The following SLC16A12 variants were observed in gnomAD, a reference collection of about 807,000 sequenced individuals.
The protein encoded by SLC16A12 is monocarboxylate transporter 12.
SLC16A12 carries 17 observed loss-of-function variants against 42.4 expected under a neutral mutation model. The ratio of observed to expected loss-of-function variants is 0.40; its 90% CI spans 0.27 to 0.60. The LOEUF is 0.60. Ranked by LOEUF, SLC16A12 falls within the 20% of genes least tolerant of loss-of-function variation. The pLI, the probability that SLC16A12 is intolerant of heterozygous loss-of-function variation, is 0.42. For missense variants in SLC16A12, 544 were observed against 623.0 expected, an observed-to-expected ratio of 0.87 and a Z score of 1.35; for synonymous variants, 224 against 229.4, an observed-to-expected ratio of 0.98 and a Z score of 0.21.
chr10:89,439,204 AT>A, intron 5 of SLC16A12, 21 bp from the exon 6 acceptor site: 2 of 1,607,346 alleles, frequency 1.2e-6, no homozygotes, highest in Non-Finnish European at 1.7e-6. Flanking sequence ...AGAGAACTCT[AT>A]GAGTGCTGAA....
intron 2 of SLC16A12, among the ~76,000 whole-genome samples, chr10:89,499,390 AC>A (rs930757530): frequency 5.3e-5 from 8 of 152,180 alleles, no homozygotes; most frequent in Non-Finnish European, 1.2e-4. Context: ...GCTCGTCTCT[AC>A]TAAAAATACA....
At chr10:89,486,639 GAAAGAAAGAAA>G (rs1842753155) in intron 2 of SLC16A12, among the ~76,000 whole-genome samples, 2 of 48,330 alleles carry the variant, frequency 4.1e-5, no homozygotes, top group Non-Finnish European at 8.7e-5. Flanking sequence ...AAGAAAGAAA[GAAAGAAAGAAA>G]GAAAGAAAGA....
At chr10:89,547,962 T>A (rs1035624219) in intron 2 of SLC16A12, among the ~76,000 whole-genome samples, 2 of 66,382 alleles carry the variant, frequency 3.0e-5, no homozygotes, top group East Asian at 4.0e-4. Flanking sequence ...CACTCCAGCC[T>A]GGGCAAAAAA....
chr10:89,469,126 T>C (rs1842453471), intron 2 of SLC16A12, among the ~76,000 whole-genome samples: 1 of 152,126 alleles, frequency 6.6e-6, no homozygotes, highest in Non-Finnish European at 1.5e-5. Flanking sequence ...AAAGGAAGCA[T>C]TTACCATCTT....
Position 89,522,368 on chromosome 10 carries a change from T to C in SLC16A12, c.-47+12133A>G, listed in dbSNP as rs538368319. On this transcript the variant is annotated intron_variant, in intron 2 of 7. Coordinates refer to ENST00000371790, the MANE Select transcript of SLC16A12 (RefSeq NM_213606.4). The stretch of plus-strand genomic sequence containing the variant: ...ACTGGTCCTGCTCTCTTTTCCCTCT[T>C]CTTGGCTGCTAGACCTCATGGTCCA... Among the ~76,000 whole-genome samples, 54 of 152,306 alleles carry C rather than the reference T, an allele frequency of 3.5e-4. 2 individuals are homozygous for C. The highest frequency in any genetic ancestry group is 1.3e-3 in the African/African-American group (53 of 41,584).
chr10:89,470,228 A>T (rs303205), intron 2 of SLC16A12, among the ~76,000 whole-genome samples: 8,704 of 152,242 alleles, frequency 0.057, 350 homozygotes, highest in Non-Finnish European at 0.088. Context: ...GTAGAAGCCT[A>T]CCCTGAGAGG....
chr10:89,547,582 T>C (rs959912602), intron 2 of SLC16A12, among the ~76,000 whole-genome samples: 14 of 152,168 alleles, frequency 9.2e-5, no homozygotes, highest in African/African-American at 3.1e-4. Context: ...ATGACAAATA[T>C]TTCAAAAACA....
intron 2 of SLC16A12, among the ~76,000 whole-genome samples, chr10:89,532,806 C>A (rs1843577224): frequency 6.6e-6 from 1 of 152,116 alleles, no homozygotes; most frequent in African/African-American, 2.4e-5. Flanking sequence ...ACTGGAATGT[C>A]TAATAGTCTA....
intron 2 of SLC16A12, among the ~76,000 whole-genome samples, chr10:89,480,664 T>C (rs898030674): frequency 1.3e-5 from 2 of 152,152 alleles, no homozygotes; most frequent in Non-Finnish European, 2.9e-5. Context: ...TTAGTAAATA[T>C]ATAGCTTAAT....
intron 2 of SLC16A12, among the ~76,000 whole-genome samples, chr10:89,520,936 C>A (rs987971700): frequency 4.6e-5 from 7 of 152,056 alleles, no homozygotes; most frequent in African/African-American, 1.7e-4. Context: ...GCCTGGAACA[C>A]GTACATGCTC....
chr10:89,466,668 C>T (rs1842405376), intron 2 of SLC16A12, among the ~76,000 whole-genome samples: 1 of 152,166 alleles, frequency 6.6e-6, no homozygotes, highest in South Asian at 2.1e-4. Flanking sequence ...AGATGCTGGG[C>T]TGCATTCCCT....
At position 89,431,666 on chromosome 10, in the gene SLC16A12, T is replaced by G. The variant is rs1219384898; in HGVS notation, c.*1398A>C. 1 of 152,182 alleles carries G rather than the reference T, an allele frequency of 6.6e-6. No homozygotes were observed. The highest frequency in any genetic ancestry group is 2.4e-5 in the African/African-American group (1 of 41,448). The allele number at this position is 152,182 out of a possible 1,614,324, so 9.4% of individuals were successfully genotyped here. ...GATTTTAAACTCCTGGTAATTAAAATTGATTGCATAATTTACTCCTATTAC... is the reference window on the plus strand; with the variant it reads ...GATTTTAAACTCCTGGTAATTAAAAGTGATTGCATAATTTACTCCTATTAC... On this transcript the variant is annotated 3_prime_UTR_variant, in exon 8 of 8. Transcript: ENST00000371790.
At position 89,514,812 on chromosome 10, in the gene SLC16A12, C is replaced by T. The variant is rs187994754; in HGVS notation, c.-47+19689G>A. On this transcript the variant is annotated intron_variant, in intron 2 of 7. Transcript: ENST00000371790. Reference sequence around the variant, plus strand: ...GATGAAAAGGAGCGGGCCGGGTGCGCGGGTGCAGTGGCTCATGCCTGTAAT... The same window carrying T: ...GATGAAAAGGAGCGGGCCGGGTGCGTGGGTGCAGTGGCTCATGCCTGTAAT... Among the ~76,000 whole-genome samples the T allele has an allele frequency of 1.3e-4, 20 of 152,270 alleles. 1 individual carries two copies. The highest frequency in any genetic ancestry group is 4.6e-4 in the African/African-American group (19 of 41,574).
chr10:89,495,789 T>C (rs1842914357), intron 2 of SLC16A12, among the ~76,000 whole-genome samples: 1 of 152,240 alleles, frequency 6.6e-6, no homozygotes, highest in Admixed American at 6.5e-5. Context: ...GACAGAGCTG[T>C]GGCTTGCTGC....
intron 3 of SLC16A12, among the ~76,000 whole-genome samples, chr10:89,446,374 A>C (rs1260977221): frequency 6.6e-6 from 1 of 152,242 alleles, no homozygotes; most frequent in Non-Finnish European, 1.5e-5. Flanking sequence ...CGGGTTACCC[A>C]CAAAGGGAAG....
chr10:89,451,003 G>C (rs1589669012), intron 3 of SLC16A12, among the ~76,000 whole-genome samples: 1 of 152,182 alleles, frequency 6.6e-6, no homozygotes, highest in South Asian at 2.1e-4. Context: ...ATGTGAACCA[G>C]AAGCAATAGT....
rs1047540207 is a variant in SLC16A12 at position 89,519,259 on chromosome 10, C to T, written c.-47+15242G>A. 4.7e-5 allele frequency among the ~76,000 whole-genome samples: 7 copies of T among 148,958 alleles called. No homozygotes were observed. The East Asian group carries it at 6.0e-4, about 13-fold the overall frequency. On this transcript the variant is annotated intron_variant, in intron 2 of 7. Coordinates refer to ENST00000371790, the MANE Select transcript of SLC16A12 (RefSeq NM_213606.4). Reference sequence around the variant, plus strand: ...GAGAAAGGTGAGGGTCAAAAAACTACGCATCGGGTACTATCCTCACTGCTG... The same window carrying T: ...GAGAAAGGTGAGGGTCAAAAAACTATGCATCGGGTACTATCCTCACTGCTG...
At chr10:89,441,982 G>C (rs1007134808) in intron 4 of SLC16A12, among the ~76,000 whole-genome samples, 5 of 152,172 alleles carry the variant, frequency 3.3e-5, no homozygotes, top group Admixed American at 1.3e-4. Context: ...CGAGTGTGAG[G>C]TTATTTCACG....
At chr10:89,436,886 A>AAGAAAGAAAGAAAG (rs1841803248) in intron 6 of SLC16A12, among the ~76,000 whole-genome samples, 1 of 146,528 alleles carries the variant, frequency 6.8e-6, no homozygotes, top group African/African-American at 2.6e-5. Flanking sequence ...GAAAGAAAGA[A>AAGAAAGAAAGAAAG]AGAAAGAAAG....
Sources: gnomAD v4.1 joint callset for allele counts (sites outside exome capture counted in the v4.1 genomes callset) on GRCh38, gnomAD v4.1.1 for gene constraint, MANE v1.5 for transcripts, NCBI Gene and HGNC (gene_info 2026-07-23, HGNC 2026-07-21) for gene names.